ZNF649: variants seen among roughly 807,000 people sequenced by gnomAD.
The protein encoded by ZNF649 is zinc finger protein 649.
ZNF649 carries 7 observed loss-of-function variants against 14.1 expected under a neutral mutation model. The ratio of observed to expected loss-of-function variants is 0.49; its 90% CI spans 0.28 to 0.93. ZNF649 has a LOEUF of 0.93. Among genes scored for constraint, ZNF649 ranks in the 40% least tolerant of loss-of-function variants. ZNF649 has a pLI of 0.10. For missense variants in ZNF649, 544 were observed against 608.1 expected (o/e 0.89, Z 1.11); for synonymous variants, 227 against 212.3 (o/e 1.07, Z -0.60).
intron 3 of ZNF649, 124 bp from the exon 4 acceptor site, chr19:51,896,691 T>C: frequency 1.9e-6 from 3 of 1,567,804 alleles, no homozygotes; most frequent in Non-Finnish European, 1.8e-6. Flanking sequence ...AGGCTTTTTT[T>C]CTAAGACGAA....
chr19:51,892,546 A>C (rs1289597839), intron 4 of ZNF649, among the ~76,000 whole-genome samples: 1 of 152,150 alleles, frequency 6.6e-6, no homozygotes, highest in African/African-American at 2.4e-5. Context: ...AAAAAGAATA[A>C]TCCTGAGTAG....
intron 1 of ZNF649, among the ~76,000 whole-genome samples, chr19:51,902,918 G>T (rs1395799640): frequency 6.6e-6 from 1 of 152,078 alleles, no homozygotes; most frequent in African/African-American, 2.4e-5. Flanking sequence ...TTCCCAAGGC[G>T]ACCTACTAGA....
chr19:51,902,161 T>TA (rs1245943332), intron 1 of ZNF649, among the ~76,000 whole-genome samples: 1 of 152,172 alleles, frequency 6.6e-6, no homozygotes, highest in Non-Finnish European at 1.5e-5. Flanking sequence ...GCTTCGATCT[T>TA]AGACTTCTCA....
intron 2 of ZNF649, among the ~76,000 whole-genome samples, chr19:51,898,751 A>G (rs1466804255): frequency 1.3e-5 from 2 of 151,320 alleles, no homozygotes; most frequent in African/African-American, 2.4e-5. Flanking sequence ...TCTCTACTAA[A>G]AAAAAAAAAA....
At chr19:51,896,615 C>A (rs1487959350) in intron 3 of ZNF649, 48 bp from the exon 4 acceptor site, 3 of 1,590,942 alleles carry the variant, frequency 1.9e-6, no homozygotes, top group African/African-American at 2.7e-5. Context: ...AATTGCACCA[C>A]GTGGCTCTGA....
chr19:51,899,759 C>T (rs938450946), intron 2 of ZNF649: 12 of 264,324 alleles, frequency 4.5e-5, no homozygotes, highest in African/African-American at 1.5e-4. Flanking sequence ...GGAACGGACC[C>T]GCTTTCTCCT....
chr19:51,895,281 A>C (rs895291981), intron 4 of ZNF649, among the ~76,000 whole-genome samples: 5 of 152,238 alleles, frequency 3.3e-5, no homozygotes, highest in African/African-American at 1.2e-4. Context: ...ACATAGTGTC[A>C]GAATGTGAAA....
In ZNF649 at chr19:51,900,098, C is replaced by T; in HGVS notation, c.10G>A (p.Ala4Thr). Residue 4 changes from alanine (A) to threonine (T), a missense_variant, in exon 2 of 5, where the codon GCC (alanine) becomes ACC (threonine). By Grantham distance (58) the Ala-to-Thr change is moderately conservative. Coordinates refer to ENST00000354957, the MANE Select transcript of ZNF649 (RefSeq NM_023074.4). ...TAAAACAAACCAAAAGTTACCTGGGCCTTTGTCATTTTCTTCTGTTTCAGG... is the reference window on the plus strand; with the variant it reads ...TAAAACAAACCAAAAGTTACCTGGGTCTTTGTCATTTTCTTCTGTTTCAGG... Reference protein sequence around the residue: MTKAQESLTLEDVA... With the variant: MTKTQESLTLEDVA... 1 of 1,528,270 alleles carries T rather than the reference C, an allele frequency of 6.5e-7. No homozygotes were observed. Among genetic ancestry groups the T allele is most frequent in the Non-Finnish European group, 8.8e-7 (1 of 1,136,702 alleles). The allele number at this position is 1,528,270 out of a possible 1,614,324, so 94.7% of individuals were successfully genotyped here.
In ZNF649 at chr19:51,895,295, A is replaced by T. The variant is rs74799981; in HGVS notation, c.238+1177T>A. 1.7e-3 allele frequency among the ~76,000 whole-genome samples: 253 copies of T among 152,342 alleles called. 4 individuals are homozygous for T. Among genetic ancestry groups the T allele is most frequent in the East Asian group, 0.012 (63 of 5,186 alleles). ...TACATAGTGTCAGAATGTGAAAAAC[A>T]AACCATAATCACATACCGATGCCTC... On this transcript the variant is annotated intron_variant, in intron 4 of 4. Coordinates refer to ENST00000354957, the MANE Select transcript of ZNF649 (RefSeq NM_023074.4).
At position 51,900,290 on chromosome 19, in the gene ZNF649, A is replaced by C; in HGVS notation, c.-183T>G. On this transcript the variant is annotated 5_prime_UTR_variant, in exon 2 of 5. Transcript: ENST00000354957. ...TGAACTCTCTTGCTTCTGGGGAGCC[A>C]GGACCTATGGAGTAAAAATCAAGTT... is the stretch of plus-strand genomic sequence containing the variant. 2.2e-6 allele frequency: 1 copy of C among 453,244 alleles called. No homozygotes were observed. 28.1% of individuals were successfully genotyped at this position (453,244 alleles called of 1,614,324 possible).
Position 51,896,513 on chromosome 19 carries a change from A to G in ZNF649, c.197T>C (p.Leu66Pro). 1 of 1,614,050 alleles carries G rather than the reference A, an allele frequency of 6.2e-7. No homozygotes were observed. The highest frequency in any genetic ancestry group is 8.5e-7 in the Non-Finnish European group (1 of 1,180,002). ...ALTKLEQGEP[L>P]WTLEDEIHSP... ...GTGGATTTCATCTTCTAGTGTCCAT[A>G]GTGGTTCTCCTTGTTCCAACTTGGT... The change falls in exon 4 of 5, where the codon CTA (leucine) becomes CCA (proline). Residue 66 changes from leucine (L) to proline (P), a missense_variant. Coordinates refer to ENST00000354957, the MANE Select transcript of ZNF649 (RefSeq NM_023074.4).
intron 4 of ZNF649, among the ~76,000 whole-genome samples, chr19:51,893,258 CAT>C (rs761905948): frequency 1.2e-4 from 18 of 152,190 alleles, no homozygotes; most frequent in East Asian, 9.7e-4. Flanking sequence ...TTATATGTTA[CAT>C]ATATGTTTGC....
In ZNF649 at chr19:51,891,995, A is replaced by G. The variant is rs2085026568; in HGVS notation, c.239-98T>C. 3.0e-6 allele frequency: 4 copies of G among 1,338,948 alleles called. No individual in the cohort carries two copies. Among genetic ancestry groups the G allele is most frequent in the African/African-American group, 1.5e-5 (1 of 67,958 alleles). The allele number at this position is 1,338,948 out of a possible 1,614,324, so 82.9% of individuals were successfully genotyped here. ...TGGCTGGCTTTTTACTGGAACCCCT[A>G]TAATACCAACATGGAAGGAATTCCA... On this transcript the variant is annotated intron_variant, in intron 4 of 4. Coordinates refer to ENST00000354957, the MANE Select transcript of ZNF649 (RefSeq NM_023074.4). This position sits in a 1 kb window ranked among gnomAD's most constrained non-coding sequence, Gnocchi z 4.2.
At chr19:51,893,143 C>T (rs904658771) in intron 4 of ZNF649, among the ~76,000 whole-genome samples, 1 of 152,114 alleles carries the variant, frequency 6.6e-6, no homozygotes, top group Non-Finnish European at 1.5e-5. Flanking sequence ...GGTCAGCTGC[C>T]GGAGTCTGTG....
chr19:51,892,158 A>G (rs113434125), intron 4 of ZNF649, among the ~76,000 whole-genome samples: 31,149 of 149,492 alleles, frequency 0.21, 3,788 homozygotes, highest in South Asian at 0.39. Flanking sequence ...GGTGGATCAC[A>G]AGGTCAAGAG....
At chr19:51,897,079 A>T (rs545452867) in intron 2 of ZNF649, 101 bp from the exon 3 acceptor site, 1 of 1,524,116 alleles carries the variant, frequency 6.6e-7, no homozygotes, top group Non-Finnish European at 9.0e-7. Context: ...GCACCTGCAC[A>T]GTTGTCCCTT....
At chr19:51,899,524 G>A (rs2085083343) in intron 2 of ZNF649, among the ~76,000 whole-genome samples, 1 of 152,198 alleles carries the variant, frequency 6.6e-6, no homozygotes, top group Non-Finnish European at 1.5e-5. Flanking sequence ...GGGTATATAG[G>A]CCGCAGTGCT....
intron 1 of ZNF649, among the ~76,000 whole-genome samples, chr19:51,901,417 G>A (rs2085093851): frequency 6.6e-6 from 1 of 152,210 alleles, no homozygotes; most frequent in Admixed American, 6.5e-5. Context: ...ATGGTATCAA[G>A]AGGTGGGCTT....
At chr19:51,892,024 A>G (rs1294714096) in intron 4 of ZNF649, 127 bp from the exon 5 acceptor site, 6 of 1,114,420 alleles carry the variant, frequency 5.4e-6, no homozygotes, top group South Asian at 4.0e-5. Flanking sequence ...AATTCCAAGT[A>G]TAAGTGTTCC....
Sources: allele counts gnomAD v4.1 joint callset (sites outside exome capture counted in the v4.1 genomes callset), GRCh38; gene constraint gnomAD v4.1.1; non-coding constraint Gnocchi (gnomAD v3.1); transcripts MANE v1.5; gene names NCBI Gene and HGNC (gene_info 2026-07-23, HGNC 2026-07-21).